The following MSRA variants were observed in gnomAD, a reference collection of about 807,000 sequenced individuals.
MSRA encodes methionine sulfoxide reductase A.
MSRA carries 54 observed loss-of-function variants against 31.3 expected under a neutral mutation model. The ratio of observed to expected loss-of-function variants is 1.73; its 90% confidence interval spans 1.39 to 2.17. MSRA has a LOEUF of 2.17. Ranked by LOEUF, MSRA falls within the 30% of genes most tolerant of loss-of-function variation. The pLI, the probability that MSRA is intolerant of heterozygous loss-of-function variation, is 0.00. For missense variants in MSRA, 507 were observed against 300.9 expected (o/e 1.69, Z -5.07); for synonymous variants, 169 against 116.5 (o/e 1.45, Z -2.90).
At chr8:10,081,790 C>T (rs746080088) in intron 1 of MSRA, among the ~76,000 whole-genome samples, 2 of 152,150 alleles carry the variant, frequency 1.3e-5, no homozygotes, top group Non-Finnish European at 2.9e-5. Context: ...AGCCACTACG[C>T]CTGGCCAATG....
At chr8:10,111,696 C>T (rs994587583) in intron 1 of MSRA, among the ~76,000 whole-genome samples, 1 of 152,316 alleles carries the variant, frequency 6.6e-6, no homozygotes, top group Non-Finnish European at 1.5e-5. Flanking sequence ...GCTAGTATTG[C>T]ATGAGAAGAG....
At chr8:10,410,188 G>C (rs993193058) in intron 5 of MSRA, among the ~76,000 whole-genome samples, 4 of 152,214 alleles carry the variant, frequency 2.6e-5, no homozygotes, top group Non-Finnish European at 5.9e-5. Context: ...GTGACATTGT[G>C]ACATGGAGTA....
chr8:10,181,036 T>C (rs747255699), intron 1 of MSRA, among the ~76,000 whole-genome samples: 26 of 152,214 alleles, frequency 1.7e-4, no homozygotes, highest in Non-Finnish European at 3.8e-4. Flanking sequence ...CCATCAAATA[T>C]TTATTGAACT....
At chr8:10,074,755 T>C (rs1395963599) in intron 1 of MSRA, among the ~76,000 whole-genome samples, 1 of 151,968 alleles carries the variant, frequency 6.6e-6, no homozygotes, top group East Asian at 1.9e-4. Context: ...GCCTCCTGGG[T>C]TCAAGTGATT....
chr8:10,075,182 G>A (rs1797941111), intron 1 of MSRA, among the ~76,000 whole-genome samples: 1 of 152,146 alleles, frequency 6.6e-6, no homozygotes, highest in Admixed American at 6.5e-5. Context: ...TTTAATGAGA[G>A]CTTATTTACT....
chr8:10,319,703 A>G (rs1801932243), intron 4 of MSRA, among the ~76,000 whole-genome samples, 180 bp from the exon 5 acceptor site: 1 of 151,786 alleles, frequency 6.6e-6, no homozygotes, highest in Admixed American at 6.6e-5. Flanking sequence ...ATCAAAACAG[A>G]TACATTTCAT....
At chr8:10,339,531 C>CTTTT (rs774034241) in intron 5 of MSRA, among the ~76,000 whole-genome samples, 1,012 of 72,762 alleles carry the variant, frequency 0.014, 29 homozygotes, top group African/African-American at 0.023. Context: ...TTCTTTCTTT[C>CTTTT]TTTTTTTTTT....
intron 1 of MSRA, among the ~76,000 whole-genome samples, chr8:10,156,760 A>C (rs1024074758): frequency 6.7e-6 from 1 of 149,812 alleles, no homozygotes; most frequent in Non-Finnish European, 1.5e-5. Context: ...TTTTCCAGTC[A>C]TGCAGTTGTA....
chr8:10,307,565 C>G (rs1023500172), intron 4 of MSRA, among the ~76,000 whole-genome samples: 1 of 152,210 alleles, frequency 6.6e-6, no homozygotes, highest in African/African-American at 2.4e-5. Flanking sequence ...TTTAATTATA[C>G]TTTAAATTGC....
intron 5 of MSRA, among the ~76,000 whole-genome samples, chr8:10,426,699 T>A (rs1809188016): frequency 6.6e-6 from 1 of 152,248 alleles, no homozygotes. Context: ...AGGCACAGTA[T>A]CTGATACACA....
chr8:10,281,136 A>C (rs1799601342), intron 3 of MSRA, among the ~76,000 whole-genome samples: 1 of 152,228 alleles, frequency 6.6e-6, no homozygotes, highest in South Asian at 2.1e-4. Context: ...ATATTTAAAT[A>C]GGTGGATTGT....
At chr8:10,400,268 G>C (rs554284466) in intron 5 of MSRA, among the ~76,000 whole-genome samples, 68 of 152,012 alleles carry the variant, frequency 4.5e-4, no homozygotes, top group Admixed American at 2.0e-3. Context: ...GAGGGCCTGG[G>C]TTACAGTGGA....
chr8:10,181,584 T>G (rs778470922), intron 1 of MSRA, among the ~76,000 whole-genome samples: 2 of 152,022 alleles, frequency 1.3e-5, no homozygotes, highest in African/African-American at 4.8e-5. Flanking sequence ...AAGCTGGGGA[T>G]GACATGATTG....
chr8:10,345,493 C>A (rs140350853), intron 5 of MSRA, among the ~76,000 whole-genome samples: 8 of 152,290 alleles, frequency 5.3e-5, no homozygotes, highest in African/African-American at 1.4e-4. Context: ...TCAGCACACA[C>A]ATACACAGAC....
At chr8:10,088,685 G>C (rs964421706) in intron 1 of MSRA, among the ~76,000 whole-genome samples, 1 of 151,966 alleles carries the variant, frequency 6.6e-6, no homozygotes, top group African/African-American at 2.4e-5. Flanking sequence ...GCAGTGAGCT[G>C]AGATCACACC....
chr8:10,072,807 G>A (rs538193350), intron 1 of MSRA, among the ~76,000 whole-genome samples: 22 of 152,208 alleles, frequency 1.4e-4, no homozygotes, highest in Middle Eastern at 3.4e-3. Context: ...TATAGATCTT[G>A]TGCATGTTTG....
chr8:10,181,425 G>A (rs1806527596), intron 1 of MSRA, among the ~76,000 whole-genome samples: 1 of 147,696 alleles, frequency 6.8e-6, no homozygotes, highest in South Asian at 2.2e-4. Context: ...AAAACTTAAA[G>A]TATAATAATA....
chr8:10,313,000 G>T (rs1292377368), intron 4 of MSRA, among the ~76,000 whole-genome samples: 1 of 152,310 alleles, frequency 6.6e-6, no homozygotes, highest in East Asian at 1.9e-4. Context: ...TGGAGTGGGG[G>T]TCCTAGCTCA....
intron 3 of MSRA, among the ~76,000 whole-genome samples, chr8:10,299,893 G>C (rs1389171083): frequency 6.6e-6 from 1 of 152,206 alleles, no homozygotes; most frequent in East Asian, 1.9e-4. Flanking sequence ...ACTAAGGCTT[G>C]AGGCAGCTTC....
Sources: allele counts gnomAD v4.1 joint callset (sites outside exome capture counted in the v4.1 genomes callset), GRCh38; gene constraint gnomAD v4.1.1; transcripts MANE v1.5; gene names NCBI Gene and HGNC (gene_info 2026-07-23, HGNC 2026-07-21).